The following TRIM22 variants were observed in gnomAD, a reference collection of about 807,000 sequenced individuals.
The protein encoded by TRIM22 is E3 ubiquitin-protein ligase TRIM22.
TRIM22 carries 45 observed loss-of-function variants against 53.6 expected under a neutral mutation model. The ratio of observed to expected loss-of-function variants is 0.84; its 90% CI spans 0.66 to 1.08. TRIM22 has a LOEUF of 1.08. Among genes scored for constraint, TRIM22 ranks in the 50% least tolerant of loss-of-function variants. The pLI is 0.00. For missense variants in TRIM22, 616 were observed against 590.9 expected (o/e 1.04, Z -0.44); for synonymous variants, 225 against 216.6 (o/e 1.04, Z -0.34).
intron 5 of TRIM22, among the ~76,000 whole-genome samples, chr11:5,706,974 G>C (rs181875347): frequency 6.6e-6 from 1 of 152,160 alleles, no homozygotes; most frequent in Admixed American, 6.5e-5. Context: ...AAATTTTTCA[G>C]AGACAGCGCC....
intron 3 of TRIM22, 137 bp downstream of exon 3, chr11:5,697,480 A>C (rs1393142537): frequency 1.7e-6 from 1 of 605,940 alleles, no homozygotes; most frequent in Non-Finnish European, 2.8e-6. Context: ...GTCTCAATTT[A>C]ACTCCTTCCC....
intron 4 of TRIM22, among the ~76,000 whole-genome samples, chr11:5,701,681 T>C (rs905580849): frequency 2.0e-5 from 3 of 152,160 alleles, no homozygotes; most frequent in South Asian, 2.1e-4. Context: ...TACAAAAAAA[T>C]TGTCTCATAG....
intron 3 of TRIM22, 47 bp from the exon 4 acceptor site, chr11:5,698,268 C>A (rs1325454040): frequency 6.6e-7 from 1 of 1,515,352 alleles, no homozygotes; most frequent in East Asian, 2.3e-5. Flanking sequence ...ACAAAGCAGG[C>A]CTTCAACCAG....
chr11:5,702,714 T>G (rs1023193855), intron 4 of TRIM22, among the ~76,000 whole-genome samples: 2 of 152,102 alleles, frequency 1.3e-5, no homozygotes, highest in Non-Finnish European at 2.9e-5. Flanking sequence ...TATATATTAG[T>G]TGAGAATCAG....
At position 5,695,556 on chromosome 11, in the gene TRIM22, T is replaced by C. The variant is rs546953902; in HGVS notation, c.-66-611T>C. 2.1e-3 allele frequency among the ~76,000 whole-genome samples: 296 copies of C among 143,536 alleles called. 6 individuals are homozygous for C. Among genetic ancestry groups the C allele is most frequent in the Admixed American group, 0.02 (277 of 13,906 alleles). The allele number at this position is 143,536 out of a possible 152,430, so 94.2% of individuals were successfully genotyped here. A position where few individuals can be genotyped will look rare whatever the true frequency, so the allele number is the denominator to read the frequency against. On this transcript the variant is annotated intron_variant, in intron 1 of 7. Coordinates refer to ENST00000379965, the MANE Select transcript of TRIM22 (RefSeq NM_006074.5). ...GAGCTTGGGATCAGAATAGGAGTGA[T>C]GGCATTAGGGTTTTTTTTTTTCAGG...
At chr11:5,707,241 G>C (rs1200117340) in intron 5 of TRIM22, among the ~76,000 whole-genome samples, 1 of 152,032 alleles carries the variant, frequency 6.6e-6, no homozygotes, top group Non-Finnish European at 1.5e-5. Context: ...AATTAATTTA[G>C]TCATCGTAAT....
At chr11:5,696,751 A>G (rs2134174305) in intron 2 of TRIM22, 96 bp downstream of exon 2, 1 of 1,324,436 alleles carries the variant, frequency 7.6e-7, no homozygotes, top group Non-Finnish European at 1.0e-6. Flanking sequence ...TCCCCTTGTC[A>G]CCATAGAACG....
In TRIM22 at chr11:5,709,095, C is replaced by T. The variant is rs368682946; in HGVS notation, c.944C>T (p.Ala315Val). The T allele has an allele frequency of 1.5e-5, 25 of 1,613,938 alleles. No individual in the cohort carries two copies. The highest frequency in any genetic ancestry group is 2.1e-5 in the Non-Finnish European group (25 of 1,179,924). The change falls in exon 8 of 8, where the codon GCT becomes GTT. Residue 315 changes from alanine (A) to valine (V), a missense_variant. By Grantham distance (64) the Ala-to-Val change is moderately conservative. Transcript: ENST00000379965. Reference sequence around the variant, plus strand: ...CCAGGCAGTGCCACTTCGAATGTTGCTATTTCTGTGGATCAGAGACAAGTG... The same window carrying T: ...CCAGGCAGTGCCACTTCGAATGTTGTTATTTCTGTGGATCAGAGACAAGTG... ...LNPGSATSNV[A>V]ISVDQRQVKT...
In TRIM22 at chr11:5,690,487, A is replaced by T. The variant is rs1180802106; in HGVS notation, c.-67+588A>T. On this transcript the variant is annotated intron_variant, in intron 1 of 7. Coordinates refer to ENST00000379965, the MANE Select transcript of TRIM22 (RefSeq NM_006074.5). ...GGAAGGGGTGTGTGTGATGAGCTAG[A>T]TAACTAATCTTCTTCCAAAATAAGG... Among the ~76,000 whole-genome samples, 4 of 152,198 alleles carry T rather than the reference A, an allele frequency of 2.6e-5. No homozygotes were observed. The South Asian group carries it at 8.3e-4, about 31-fold the overall frequency.
In TRIM22 at chr11:5,697,257, C is replaced by A; in HGVS notation, c.433C>A (p.Gln145Lys). ...AATTTATTTCTTACAGGAAAAGCTGCAGGTAGCCCTGCAGAGGCTGATAAA... is the reference window on the plus strand; with the variant it reads ...AATTTATTTCTTACAGGAAAAGCTGAAGGTAGCCCTGCAGAGGCTGATAAA... ...EVVKECQEKLQVALQRLIKED... is the reference protein window; with the variant it reads ...EVVKECQEKLKVALQRLIKED... The change falls in exon 3 of 8, where the codon CAG (glutamine) becomes AAG (lysine). Residue 145 changes from glutamine to lysine, a missense_variant. Coordinates refer to ENST00000379965, the MANE Select transcript of TRIM22 (RefSeq NM_006074.5). The A allele has an allele frequency of 6.2e-7, 1 of 1,608,670 alleles. No homozygotes were observed. Among genetic ancestry groups the A allele is most frequent in the Non-Finnish European group, 8.5e-7 (1 of 1,177,818 alleles).
chr11:5,707,197 GT>G (rs1276244463), intron 5 of TRIM22, among the ~76,000 whole-genome samples: 9 of 152,018 alleles, frequency 5.9e-5, no homozygotes, highest in Admixed American at 2.6e-4. Context: ...CAACATCAAA[GT>G]TTTTTTAAAC....
At chr11:5,704,608 C>T (rs1316665221) in intron 4 of TRIM22, among the ~76,000 whole-genome samples, 1 of 152,068 alleles carries the variant, frequency 6.6e-6, no homozygotes, top group East Asian at 1.9e-4. Flanking sequence ...TTCTTCATAA[C>T]TTAAAAGTGA....
rs751301119 is a variant in TRIM22, at chr11:5,698,292, CTCTT to C, written c.520-19_520-16del. 1.7e-5 allele frequency: 27 copies of C among 1,604,206 alleles called. No individual in the cohort carries two copies. Among genetic ancestry groups the C allele is most frequent in the Non-Finnish European group, 2.3e-5 (27 of 1,171,168 alleles). On this transcript the variant is annotated intron_variant, in intron 3 of 7. Transcript: ENST00000379965. ...GCCTTCAACCAGCCAGACTGACTGC[CTCTT>C]TCTCTTTTCATTCCCAAGAATTATA...
At position 5,699,530 on chromosome 11, in the gene TRIM22, CAAAAAAAAAAAAAAAAAAAAAAA is replaced by C. The variant is rs71053298; in HGVS notation, c.750+1002_750+1024del. ...TGGGCGACAGAGCGAGACTCCGTCT[CAAAAAAAAAAAAAAAAAAAAAAA>C]AAAAAAAAAAAAAAAAGAGTGTTGT... On this transcript the variant is annotated intron_variant, in intron 4 of 7. Transcript: ENST00000379965. 1.8e-4 allele frequency among the ~76,000 whole-genome samples: 5 copies of C among 28,522 alleles called. 1 individual carries two copies. Among genetic ancestry groups the C allele is most frequent in the Admixed American group, 1.5e-3 (2 of 1,378 alleles). The allele number at this position is 28,522 out of a possible 152,430, so 18.7% of individuals were successfully genotyped here. A position where few individuals can be genotyped will look rare whatever the true frequency, so the allele number is the denominator to read the frequency against.
intron 4 of TRIM22, among the ~76,000 whole-genome samples, chr11:5,701,337 G>C (rs1853370405): frequency 6.6e-6 from 1 of 152,100 alleles, no homozygotes; most frequent in Admixed American, 6.5e-5. Flanking sequence ...AACCCACTAA[G>C]CCTATTTTTA....
chr11:5,706,345 A>T (rs558521114), intron 4 of TRIM22, among the ~76,000 whole-genome samples: 1 of 152,264 alleles, frequency 6.6e-6, no homozygotes, highest in Admixed American at 6.5e-5. Flanking sequence ...AGGTGGATAA[A>T]ACTTTGTAAG....
chr11:5,709,421 T>C lies in TRIM22; in HGVS notation c.1270T>C (p.Ser424Pro). Residue 424 changes from serine to proline, a missense_variant, in exon 8 of 8, where the codon TCC becomes CCC. Ser to Pro is a moderately conservative substitution (Grantham distance 74). Transcript: ENST00000379965. ...ATGTGAATATAATGCTTTTGAGGAC[T>C]CCTCCTCTTCTGATCCCAAGGTTTT... ...NTCEYNAFED[S>P]SSSDPKVLTL... The C allele has an allele frequency of 6.2e-7, 1 of 1,614,172 alleles. No homozygotes were observed.
At position 5,709,505 on chromosome 11, in the gene TRIM22, GGC is replaced by G. The variant is rs1853522538; in HGVS notation, c.1355_1356del (p.Gly452AspfsTer58). The G allele has an allele frequency of 6.2e-7, 1 of 1,613,974 alleles. No individual in the cohort carries two copies. The highest frequency in any genetic ancestry group is 8.5e-7 in the Non-Finnish European group (1 of 1,180,000). On this transcript the variant is annotated frameshift_variant, in exon 8 of 8. Coordinates refer to ENST00000379965, the MANE Select transcript of TRIM22 (RefSeq NM_006074.5). LOFTEE classifies it high-confidence loss of function. The part of the protein sequence containing the change: ...RIGVFLDYEA[G>X]IVSFFNVTNH... ...TGGGGTTTTCCTAGACTATGAGGCA[GGC>G]ATTGTCTCATTTTTCAATGTCACAA...
In TRIM22 at chr11:5,709,118, G is replaced by C. The variant is rs777063820; in HGVS notation, c.967G>C (p.Val323Leu). The change falls in exon 8 of 8, where the codon GTG (valine) becomes CTG (leucine). Residue 323 changes from valine to leucine, a missense_variant. Physicochemically the swap from Val to Leu is conservative, Grantham distance 32. Transcript: ENST00000379965. ...NVAISVDQRQ[V>L]KTVRTCTFKN... ...TGCTATTTCTGTGGATCAGAGACAAGTGAAAACTGTACGCACCTGCACATT... is the reference window on the plus strand; with the variant it reads ...TGCTATTTCTGTGGATCAGAGACAACTGAAAACTGTACGCACCTGCACATT... The C allele has an allele frequency of 3.1e-6, 5 of 1,614,212 alleles. No homozygotes were observed. The highest frequency in any genetic ancestry group is 3.4e-6 in the Non-Finnish European group (4 of 1,180,034).
Sources: allele counts gnomAD v4.1 joint callset (sites outside exome capture counted in the v4.1 genomes callset), GRCh38; gene constraint gnomAD v4.1.1; transcripts MANE v1.5; gene names NCBI Gene and HGNC (gene_info 2026-07-23, HGNC 2026-07-21).